The following SLC39A11 variants were observed in gnomAD, a reference collection of about 807,000 sequenced individuals.
The protein encoded by SLC39A11 is zinc transporter ZIP11.
SLC39A11 carries 33 observed loss-of-function variants against 36.1 expected under a neutral mutation model. The observed-to-expected ratio is 0.91, with a 90% CI of 0.69 to 1.22. The LOEUF (loss-of-function observed/expected upper bound fraction) is 1.22, where lower values mean the gene tolerates loss of function less well. SLC39A11 is among the 50% of genes most tolerant of loss of function. The pLI, the probability that SLC39A11 is intolerant of heterozygous loss-of-function variation, is 0.00. For synonymous variants in SLC39A11, 166 were observed against 170.3 expected, an observed-to-expected ratio of 0.97 and a Z score of 0.20; for missense variants, 432 against 430.3, an observed-to-expected ratio of 1.00 and a Z score of -0.03.
intron 6 of SLC39A11, among the ~76,000 whole-genome samples, chr17:72,752,567 A>G (rs1039519272): frequency 2.0e-5 from 3 of 151,812 alleles, no homozygotes; most frequent in Admixed American, 2.0e-4. Context: ...TTTTCTTTTT[A>G]TTTATTTTTA....
intron 5 of SLC39A11, among the ~76,000 whole-genome samples, chr17:72,942,491 G>A (rs948631393): frequency 6.6e-6 from 1 of 151,914 alleles, no homozygotes; most frequent in Non-Finnish European, 1.5e-5. Context: ...ACATTATTTC[G>A]GAAACCTAGT....
At chr17:72,875,816 G>T (rs2080873247) in intron 5 of SLC39A11, among the ~76,000 whole-genome samples, 1 of 152,112 alleles carries the variant, frequency 6.6e-6, no homozygotes, top group Non-Finnish European at 1.5e-5. Context: ...TCAGTCACGG[G>T]ACCAAACTGA....
At chr17:72,837,360 C>CAAAAAAA (rs34639176) in intron 6 of SLC39A11, among the ~76,000 whole-genome samples, 1 of 91,132 alleles carries the variant, frequency 1.1e-5, no homozygotes, top group African/African-American at 3.9e-5. Context: ...GTATATTGCT[C>CAAAAAAA]AAAAAAAAAA....
chr17:72,872,954 T>C (rs1009081599), intron 5 of SLC39A11, among the ~76,000 whole-genome samples: 13 of 149,094 alleles, frequency 8.7e-5, no homozygotes, highest in Admixed American at 2.0e-4. Flanking sequence ...ACTCGGAGGC[T>C]GAGTCAGGAG....
chr17:72,949,144 CTTTTTTTTTTTTTTTTTTTTT>C (rs56036208), intron 4 of SLC39A11, among the ~76,000 whole-genome samples: 2 of 36,474 alleles, frequency 5.5e-5, no homozygotes, highest in African/African-American at 8.3e-5. Flanking sequence ...CACTGGGCAG[CTTTTTTTTTTTTTTTTTTTTT>C]TTTTTTTTTT....
chr17:72,866,510 G>A (rs1465296297), intron 5 of SLC39A11, among the ~76,000 whole-genome samples: 1 of 152,094 alleles, frequency 6.6e-6, no homozygotes, highest in African/African-American at 2.4e-5. Context: ...CACGAGACAA[G>A]TGTTCACTTT....
chr17:72,731,309 G>C (rs2074205185), intron 7 of SLC39A11, among the ~76,000 whole-genome samples: 1 of 152,146 alleles, frequency 6.6e-6, no homozygotes, highest in African/African-American at 2.4e-5. Context: ...TCTGCCTCCG[G>C]TATCTCCAGA....
chr17:72,950,302 G>A (rs1244687305), intron 4 of SLC39A11, among the ~76,000 whole-genome samples: 1 of 152,166 alleles, frequency 6.6e-6, no homozygotes, highest in Admixed American at 6.6e-5. Context: ...AGTCCCCTTT[G>A]GGTATCCACC....
At chr17:72,727,918 C>G (rs892532266) in intron 7 of SLC39A11, among the ~76,000 whole-genome samples, 4 of 152,140 alleles carry the variant, frequency 2.6e-5, no homozygotes, top group Admixed American at 2.6e-4. Flanking sequence ...CTGTCTTCTT[C>G]CCAGGTCAGA....
chr17:72,833,625 C>A (rs185852122), intron 6 of SLC39A11, among the ~76,000 whole-genome samples: 19 of 152,308 alleles, frequency 1.2e-4, no homozygotes, highest in Non-Finnish European at 2.2e-4. Context: ...TCACAGGAGG[C>A]TGTTCTGTGA....
intron 3 of SLC39A11, among the ~76,000 whole-genome samples, chr17:73,083,353 G>T (rs1439816735): frequency 1.3e-5 from 2 of 152,074 alleles, no homozygotes; most frequent in Non-Finnish European, 2.9e-5. Context: ...TGTTTTTGAC[G>T]GAACAGTGGC....
intron 5 of SLC39A11, among the ~76,000 whole-genome samples, chr17:72,892,274 A>G (rs564288463): frequency 6.6e-6 from 1 of 151,912 alleles, no homozygotes; most frequent in Admixed American, 6.6e-5. Context: ...GTCAGGTGTG[A>G]TGGCGCATAC....
At chr17:72,998,157 G>A (rs1465853283) in intron 4 of SLC39A11, among the ~76,000 whole-genome samples, 1 of 152,146 alleles carries the variant, frequency 6.6e-6, no homozygotes, top group Non-Finnish European at 1.5e-5. Context: ...CGGCCCTCAG[G>A]TTCGATACTA....
rs1165334910 is a variant in SLC39A11 at position 73,047,966 on chromosome 17, C to CAAAAAAAAA, written c.148-16261_148-16253dup. ...CTGGCGACAGAGCAAGACTCCATCT[C>CAAAAAAAAA]AAAAAAAAAAAAAAAAAAAAAAAAA... On this transcript the variant is annotated intron_variant, in intron 3 of 9. Coordinates refer to ENST00000255559, the MANE Select transcript of SLC39A11 (RefSeq NM_139177.4). Among the ~76,000 whole-genome samples the CAAAAAAAAA allele has an allele frequency of 2.1e-3, 43 of 20,480 alleles. 11 individuals carry two copies. The highest frequency in any genetic ancestry group is 4.3e-3 in the Admixed American group (6 of 1,404). The allele number at this position is 20,480 out of a possible 152,430, so 13.4% of individuals were successfully genotyped here.
intron 3 of SLC39A11, among the ~76,000 whole-genome samples, chr17:73,059,408 G>A (rs892307258): frequency 6.6e-6 from 1 of 152,186 alleles, no homozygotes; most frequent in East Asian, 1.9e-4. Flanking sequence ...GCTCACGCCT[G>A]TAATCCCAGC....
chr17:73,073,155 G>A (rs889666672), intron 3 of SLC39A11, among the ~76,000 whole-genome samples: 27 of 152,178 alleles, frequency 1.8e-4, no homozygotes, highest in African/African-American at 6.5e-4. Context: ...ACTCCAGCCT[G>A]GGTGACGGAG....
intron 5 of SLC39A11, among the ~76,000 whole-genome samples, chr17:72,924,132 T>C (rs2147305904): frequency 7.2e-6 from 1 of 139,222 alleles, no homozygotes; most frequent in East Asian, 2.0e-4. Context: ...GGTGACAGAG[T>C]GAGACCCCGT....
At chr17:73,062,556 A>G (rs1218115562) in intron 3 of SLC39A11, among the ~76,000 whole-genome samples, 5 of 151,710 alleles carry the variant, frequency 3.3e-5, no homozygotes, top group Non-Finnish European at 7.4e-5. Context: ...GCCACCTTCA[A>G]TAGGATATCA....
intron 4 of SLC39A11, among the ~76,000 whole-genome samples, chr17:72,999,933 G>A (rs1174323711): frequency 6.6e-6 from 1 of 151,936 alleles, no homozygotes; most frequent in Non-Finnish European, 1.5e-5. Context: ...TAGAGATGGG[G>A]GTTTCGCCAT....
Sources: gnomAD v4.1 joint callset for allele counts (sites outside exome capture counted in the v4.1 genomes callset) on GRCh38, gnomAD v4.1.1 for gene constraint, MANE v1.5 for transcripts, NCBI Gene and HGNC (gene_info 2026-07-23, HGNC 2026-07-21) for gene names.